Variants in CCDC178 observed in about 807,000 individuals in gnomAD.
CCDC178 encodes the protein coiled-coil domain containing 178, also known as coiled-coil domain-containing protein 178.
In CCDC178, 126 loss-of-function variants were observed where a neutral mutation model predicts 117.4. The ratio of observed to expected loss-of-function variants is 1.07; its 90% confidence interval spans 0.93 to 1.24. CCDC178 has a LOEUF of 1.24. Ranked by LOEUF, CCDC178 falls within the 50% of genes most tolerant of loss-of-function variation. The probability of loss-of-function intolerance (pLI) is 0.00; values close to 1 mark genes in which losing one functional copy is unlikely to be tolerated. For missense variants in CCDC178, 1,030 were observed against 986.9 expected, an observed-to-expected ratio of 1.04 and a Z score of -0.59; for synonymous variants, 283 against 313.4, an observed-to-expected ratio of 0.90 and a Z score of 1.02.
intron 3 of CCDC178, among the ~76,000 whole-genome samples, chr18:33,410,334 T>A (rs913335997): frequency 1.3e-5 from 2 of 152,224 alleles, no homozygotes; most frequent in African/African-American, 2.4e-5. Flanking sequence ...GAAATTATTT[T>A]AAATGAATAA....
chr18:32,937,801 C>T lies in CCDC178; in HGVS notation c.*210G>A, dbSNP rs1434199714. 1.2e-5 allele frequency: 6 copies of T among 503,816 alleles called. No individual in the cohort carries two copies. Among genetic ancestry groups the T allele is most frequent in the South Asian group, 3.2e-5 (1 of 31,014 alleles). 31.2% of individuals were successfully genotyped at this position (503,816 alleles called of 1,614,324 possible). On this transcript the variant is annotated 3_prime_UTR_variant, in exon 23 of 23. Transcript: ENST00000383096. ...CAGTCACCCAGAGCTGAAATTAGAT[C>T]GTTCCTGACAGCAGCATGAAAGTCA...
At chr18:33,242,324 G>C (rs187809551) in intron 15 of CCDC178, among the ~76,000 whole-genome samples, 1 of 151,764 alleles carries the variant, frequency 6.6e-6, no homozygotes. Flanking sequence ...TAGGATAAAT[G>C]CTTCAGAACA....
At chr18:33,410,384 C>T (rs2063833939) in intron 3 of CCDC178, among the ~76,000 whole-genome samples, 1 of 151,870 alleles carries the variant, frequency 6.6e-6, no homozygotes, top group Non-Finnish European at 1.5e-5. Context: ...GATCAATTTC[C>T]AGAAATAAAA....
intron 20 of CCDC178, among the ~76,000 whole-genome samples, chr18:33,187,535 T>C (rs919695816): frequency 1.3e-5 from 2 of 152,064 alleles, no homozygotes; most frequent in African/African-American, 4.8e-5. Context: ...CAGGGAGGAC[T>C]CAGGGATCAG....
chr18:33,397,285 G>T, intron 3 of CCDC178, 77 bp from the exon 4 acceptor site: 1 of 919,580 alleles, frequency 1.1e-6, no homozygotes. Flanking sequence ...GCACTAGTAA[G>T]GATACGGGAA....
chr18:33,047,924 A>G (rs1477435834), intron 21 of CCDC178, among the ~76,000 whole-genome samples: 5 of 152,214 alleles, frequency 3.3e-5, no homozygotes, highest in African/African-American at 1.2e-4. Context: ...GTTTGTAAGA[A>G]GTATAGATTG....
chr18:33,113,557 A>ATGG (rs1409924921), intron 20 of CCDC178, among the ~76,000 whole-genome samples: 14 of 152,004 alleles, frequency 9.2e-5, no homozygotes, highest in African/African-American at 3.4e-4. Flanking sequence ...CACTAATTAA[A>ATGG]ATAGCAATGG....
At chr18:33,111,668 G>C (rs1167483890) in intron 20 of CCDC178, among the ~76,000 whole-genome samples, 1 of 151,606 alleles carries the variant, frequency 6.6e-6, no homozygotes, top group African/African-American at 2.4e-5. Flanking sequence ...TATGATGACA[G>C]AACTAAGATG....
chr18:33,194,686 T>C (rs1598986004), intron 20 of CCDC178, among the ~76,000 whole-genome samples: 1 of 152,274 alleles, frequency 6.6e-6, no homozygotes, highest in African/African-American at 2.4e-5. Context: ...GTCAATTTCA[T>C]ACAACAGTTG....
At chr18:33,381,611 T>G (rs930893324) in intron 5 of CCDC178, among the ~76,000 whole-genome samples, 15 of 152,072 alleles carry the variant, frequency 9.9e-5, no homozygotes, top group Non-Finnish European at 1.8e-4. Context: ...TATCCTCACC[T>G]TTTTTTTCCA....
chr18:33,181,384 A>G (rs1040864890), intron 20 of CCDC178, among the ~76,000 whole-genome samples: 1 of 151,912 alleles, frequency 6.6e-6, no homozygotes, highest in African/African-American at 2.4e-5. Flanking sequence ...GGCCCCCTAA[A>G]ACTATAAAAA....
chr18:33,243,715 A>G (rs1206633322), intron 15 of CCDC178, among the ~76,000 whole-genome samples: 1 of 151,938 alleles, frequency 6.6e-6, no homozygotes, highest in Non-Finnish European at 1.5e-5. Flanking sequence ...TACCTCAGAT[A>G]AATGAAGCAA....
At chr18:33,079,212 C>A (rs1598859432) in intron 21 of CCDC178, among the ~76,000 whole-genome samples, 2 of 152,236 alleles carry the variant, frequency 1.3e-5, no homozygotes, top group East Asian at 3.9e-4. Context: ...GCTGAGATAA[C>A]TGGCTAGAAA....
intron 20 of CCDC178, among the ~76,000 whole-genome samples, chr18:33,110,963 A>G (rs1361377423): frequency 6.6e-6 from 1 of 151,612 alleles, no homozygotes; most frequent in East Asian, 1.9e-4. Flanking sequence ...TGCATCACAC[A>G]TATAAACCAA....
chr18:33,267,210 A>G lies in CCDC178; in HGVS notation c.1264T>C (p.Tyr422His). 6.3e-7 allele frequency: 1 copy of G among 1,595,080 alleles called. No individual in the cohort carries two copies. The highest frequency in any genetic ancestry group is 2.2e-5 in the East Asian group (1 of 44,608). Residue 422 changes from tyrosine to histidine, a missense_variant, in exon 13 of 23, where the codon TAT (tyrosine) becomes CAT (histidine). Coordinates refer to ENST00000383096, the MANE Select transcript of CCDC178 (RefSeq NM_001105528.4). ...GGAAAAAATCAACTTACTGCAGCAT[A>G]AAAATCATTAACTGCTTCCAGATAC... ...NQYLEAVNDF[Y>H]AAKKTWDIEL...
intron 21 of CCDC178, among the ~76,000 whole-genome samples, chr18:33,038,801 T>G (rs1041022682): frequency 6.6e-6 from 1 of 151,948 alleles, no homozygotes; most frequent in Non-Finnish European, 1.5e-5. Context: ...GAAGTGACAA[T>G]AGGACTCCCA....
intron 21 of CCDC178, among the ~76,000 whole-genome samples, chr18:33,021,903 A>G (rs1178440514): frequency 6.6e-6 from 1 of 151,946 alleles, no homozygotes; most frequent in African/African-American, 2.4e-5. Flanking sequence ...TCTCTGTCTC[A>G]TTCTCTTTCT....
intron 21 of CCDC178, among the ~76,000 whole-genome samples, chr18:33,071,640 C>G (rs1382403318): frequency 6.6e-6 from 1 of 152,110 alleles, no homozygotes; most frequent in East Asian, 1.9e-4. Flanking sequence ...GGAATCTGCT[C>G]TTTGTCATAT....
chr18:33,343,938 A>G (rs796246853), intron 9 of CCDC178, among the ~76,000 whole-genome samples: 19 of 152,318 alleles, frequency 1.2e-4, no homozygotes, highest in African/African-American at 4.3e-4. Flanking sequence ...TTCTACATAA[A>G]TAATATAAAG....
Sources: allele counts gnomAD v4.1 joint callset (sites outside exome capture counted in the v4.1 genomes callset), GRCh38; gene constraint gnomAD v4.1.1; transcripts MANE v1.5; gene names NCBI Gene and HGNC (gene_info 2026-07-23, HGNC 2026-07-21).